KCNN2: variants seen among roughly 807,000 people sequenced by gnomAD.
The protein encoded by KCNN2 is potassium calcium-activated channel subfamily N member 2, also known as small conductance calcium-activated potassium channel protein 2.
KCNN2 carries 24 observed loss-of-function variants against 55.5 expected under a neutral mutation model. That is an observed-to-expected ratio of 0.43 (90% CI 0.31 to 0.61). The LOEUF is 0.61. KCNN2 is among the 20% of genes least tolerant of loss of function. KCNN2 has a pLI of 0.08. For missense variants in KCNN2, 754 were observed against 853.6 expected, an observed-to-expected ratio of 0.88 and a Z score of 1.45; for synonymous variants, 431 against 336.1, an observed-to-expected ratio of 1.28 and a Z score of -3.09.
intron 3 of KCNN2, among the ~76,000 whole-genome samples, chr5:114,417,006 C>G (rs570097593): frequency 6.6e-6 from 1 of 152,136 alleles, no homozygotes; most frequent in Non-Finnish European, 1.5e-5. Flanking sequence ...TGTTTTTGAA[C>G]AAAACTGGGT....
At chr5:114,282,346 C>T (rs1026748956) in intron 2 of KCNN2, among the ~76,000 whole-genome samples, 3 of 152,056 alleles carry the variant, frequency 2.0e-5, no homozygotes, top group African/African-American at 7.2e-5. Flanking sequence ...TGTGATGGAA[C>T]ATGACCTATT....
At chr5:114,433,855 G>A (rs538649606) in intron 3 of KCNN2, 2 of 155,396 alleles carry the variant, frequency 1.3e-5, no homozygotes, top group East Asian at 1.9e-4. Context: ...CTTAAGAGCT[G>A]TAACACTCAC....
chr5:114,402,197 G>T (rs1246867610), intron 2 of KCNN2, among the ~76,000 whole-genome samples: 2 of 152,180 alleles, frequency 1.3e-5, no homozygotes, highest in African/African-American at 4.8e-5. Context: ...CAAGGAAAGA[G>T]ATCCTTCTTA....
At chr5:114,234,394 A>G (rs929569858) in intron 2 of KCNN2, among the ~76,000 whole-genome samples, 1 of 152,152 alleles carries the variant, frequency 6.6e-6, no homozygotes, top group Non-Finnish European at 1.5e-5. Context: ...AGACATGCAC[A>G]GTTTCCTTTT....
At chr5:114,175,155 T>A (rs1753110237) in intron 1 of KCNN2, among the ~76,000 whole-genome samples, 1 of 152,182 alleles carries the variant, frequency 6.6e-6, no homozygotes, top group Non-Finnish European at 1.5e-5. Flanking sequence ...ATTAGAATGA[T>A]TAATACTGTA....
intron 2 of KCNN2, among the ~76,000 whole-genome samples, chr5:114,256,542 G>A (rs182001921): frequency 2.5e-3 from 383 of 152,092 alleles, no homozygotes; most frequent in Non-Finnish European, 4.2e-3. Context: ...AACATCTTTT[G>A]TTTTTTGACT....
intron 3 of KCNN2, among the ~76,000 whole-genome samples, chr5:114,434,501 C>CT (rs1170136681): frequency 6.6e-6 from 1 of 152,132 alleles, no homozygotes; most frequent in Admixed American, 6.6e-5. Context: ...TGTCTTCACA[C>CT]TTTTTTATTT....
chr5:114,211,369 G>A (rs186053186), intron 1 of KCNN2, among the ~76,000 whole-genome samples: 6 of 152,140 alleles, frequency 3.9e-5, no homozygotes, highest in African/African-American at 1.2e-4. Flanking sequence ...ACCATGAAAC[G>A]CTATGCAGCC....
intron 1 of KCNN2, among the ~76,000 whole-genome samples, chr5:114,173,408 A>T (rs182498962): frequency 1.5e-4 from 22 of 148,922 alleles, no homozygotes; most frequent in African/African-American, 5.4e-4. Context: ...AGCTTTGGCT[A>T]TTCTGGTGGG....
At chr5:114,280,391 A>G (rs1216661668) in intron 2 of KCNN2, among the ~76,000 whole-genome samples, 1 of 152,126 alleles carries the variant, frequency 6.6e-6, no homozygotes, top group African/African-American at 2.4e-5. Flanking sequence ...TATGGCCTGA[A>G]TGGTATTGCC....
intron 1 of KCNN2, among the ~76,000 whole-genome samples, chr5:114,128,095 T>C (rs1751975489): frequency 6.6e-6 from 1 of 152,194 alleles, no homozygotes; most frequent in South Asian, 2.1e-4. Flanking sequence ...CTCTGCTTGT[T>C]ACCCAGTTCT....
intron 2 of KCNN2, among the ~76,000 whole-genome samples, chr5:114,274,054 A>G (rs548663897): frequency 2.0e-5 from 3 of 152,350 alleles, no homozygotes; most frequent in East Asian, 3.9e-4. Context: ...AGTTTTCTGC[A>G]TATGGCTAGC....
At chr5:114,472,183 C>A (rs1761774683) in intron 4 of KCNN2, among the ~76,000 whole-genome samples, 1 of 152,162 alleles carries the variant, frequency 6.6e-6, no homozygotes, top group South Asian at 2.1e-4. Context: ...GAATTGGCTG[C>A]AGCACCTTGA....
intron 2 of KCNN2, among the ~76,000 whole-genome samples, chr5:114,313,500 A>T (rs540151114): frequency 6.6e-6 from 1 of 152,282 alleles, no homozygotes; most frequent in East Asian, 1.9e-4. Context: ...TGCTACAGTG[A>T]TGATAAAAAG....
intron 1 of KCNN2, among the ~76,000 whole-genome samples, chr5:114,113,642 A>G (rs1227387827): frequency 6.6e-6 from 1 of 152,112 alleles, no homozygotes; most frequent in Admixed American, 6.6e-5. Context: ...AGAGTGATAA[A>G]TTATGGACAT....
At chr5:114,195,924 G>T (rs532916981) in intron 1 of KCNN2, among the ~76,000 whole-genome samples, 2 of 151,806 alleles carry the variant, frequency 1.3e-5, no homozygotes, top group Non-Finnish European at 2.9e-5. Context: ...ATGCCTTTTG[G>T]CTCTTATATT....
intron 1 of KCNN2, among the ~76,000 whole-genome samples, chr5:114,158,687 G>A (rs1198227030): frequency 6.6e-6 from 1 of 150,784 alleles, no homozygotes; most frequent in Non-Finnish European, 1.5e-5. Context: ...ATTGAGCAGT[G>A]GTTTGTATTT....
At chr5:114,074,633 G>A (rs1396315888) in intron 1 of KCNN2, among the ~76,000 whole-genome samples, 2 of 152,218 alleles carry the variant, frequency 1.3e-5, no homozygotes, top group African/African-American at 2.4e-5. Flanking sequence ...CCAACCCTGT[G>A]TGGTGAAGCA....
intron 3 of KCNN2, among the ~76,000 whole-genome samples, chr5:114,410,716 G>A (rs1374809417): frequency 6.6e-6 from 1 of 152,070 alleles, no homozygotes; most frequent in African/African-American, 2.4e-5. Flanking sequence ...TTAGGTGGTA[G>A]TGTTCCCAAG....
Sources: allele counts gnomAD v4.1 joint callset (sites outside exome capture counted in the v4.1 genomes callset), GRCh38; gene constraint gnomAD v4.1.1; transcripts MANE v1.5; gene names NCBI Gene and HGNC (gene_info 2026-07-23, HGNC 2026-07-21).